Variants in ARID2 observed in about 807,000 individuals in gnomAD.
The protein encoded by ARID2 is AT-rich interaction domain 2, also known as AT-rich interactive domain-containing protein 2.
In ARID2, 32 loss-of-function variants were observed where a neutral mutation model predicts 184.6. The observed-to-expected ratio is 0.17, with a 90% confidence interval of 0.13 to 0.23. ARID2 has a LOEUF of 0.23. Ranked by LOEUF, ARID2 falls within the 10% of genes least tolerant of loss-of-function variation. The pLI, the probability that ARID2 is intolerant of heterozygous loss-of-function variation, is 1.00. For missense variants in ARID2, 1,696 were observed against 2,197.6 expected (o/e 0.77, Z 4.56); for synonymous variants, 836 against 772.6 (o/e 1.08, Z -1.36).
chr12:45,862,210 A>T (rs1305967306), intron 16 of ARID2, among the ~76,000 whole-genome samples: 2 of 152,304 alleles, frequency 1.3e-5, no homozygotes, highest in Admixed American at 1.3e-4. Flanking sequence ...TAAATATATC[A>T]TAGTTCACCA....
At chr12:45,839,800 G>A (rs1045418435) in intron 11 of ARID2, 1 of 228,816 alleles carries the variant, frequency 4.4e-6, no homozygotes, top group African/African-American at 2.3e-5. Context: ...TATTATTTGT[G>A]ATTTTGGTCA....
At chr12:45,853,544 A>C (rs1943594343) in intron 15 of ARID2, among the ~76,000 whole-genome samples, 1 of 152,230 alleles carries the variant, frequency 6.6e-6, no homozygotes, top group Non-Finnish European at 1.5e-5. Flanking sequence ...TAGTAAAAAC[A>C]AGTATTTTCT....
At chr12:45,772,380 A>G (rs920570600) in intron 3 of ARID2, among the ~76,000 whole-genome samples, 2 of 152,148 alleles carry the variant, frequency 1.3e-5, no homozygotes, top group Admixed American at 6.5e-5. Context: ...GCTTGAGCCC[A>G]GTAGTTAAGA....
chr12:45,801,515 C>G (rs1942501770), intron 3 of ARID2, among the ~76,000 whole-genome samples: 1 of 152,026 alleles, frequency 6.6e-6, no homozygotes, highest in African/African-American at 2.4e-5. Flanking sequence ...CCAACCTTAA[C>G]AACAAAGTAA....
rs1943486311 is a variant in ARID2 at position 45,848,672 on chromosome 12, T to C, written c.1581-164T>C. ...AGCATGTTAATCTATTGATTTAATC[T>C]AAAATTTAGCATATATTTTTGCTAC... On this transcript the variant is annotated intron_variant, in intron 12 of 20. Transcript: ENST00000334344. Among the ~76,000 whole-genome samples the C allele has an allele frequency of 2.0e-5, 3 of 152,176 alleles. No individual in the cohort carries two copies. In the South Asian group the frequency reaches 6.2e-4, roughly 31 times the overall value.
At chr12:45,825,993 C>T (rs923146287) in intron 6 of ARID2, among the ~76,000 whole-genome samples, 1 of 151,986 alleles carries the variant, frequency 6.6e-6, no homozygotes, top group African/African-American at 2.4e-5. Flanking sequence ...CGTATATTCC[C>T]ACTAGGGCAT....
intron 3 of ARID2, among the ~76,000 whole-genome samples, chr12:45,760,379 A>G (rs1354365818): frequency 1.3e-5 from 2 of 152,162 alleles, no homozygotes; most frequent in East Asian, 3.8e-4. Context: ...CATTTTTCAA[A>G]TTTTGAGGTT....
chr12:45,877,385 T>C (rs141927189), intron 16 of ARID2, among the ~76,000 whole-genome samples: 2,373 of 151,986 alleles, frequency 0.016, 30 homozygotes, highest in South Asian at 0.049. Context: ...CTAGGTTGCA[T>C]GCTCCTTATG....
intron 3 of ARID2, among the ~76,000 whole-genome samples, chr12:45,782,194 A>C (rs1411879985): frequency 6.6e-6 from 1 of 152,196 alleles, no homozygotes; most frequent in Non-Finnish European, 1.5e-5. Flanking sequence ...TAAAAATAGA[A>C]TATTCACTAG....
chr12:45,900,609 T>G (rs1253652635), intron 20 of ARID2, among the ~76,000 whole-genome samples: 1 of 152,184 alleles, frequency 6.6e-6, no homozygotes, highest in Non-Finnish European at 1.5e-5. Flanking sequence ...ACACACCTCT[T>G]CTCAGGAATT....
At position 45,847,041 on chromosome 12, in the gene ARID2, C is replaced by T. The variant is rs1943456488; in HGVS notation, c.1580+104C>T. Reference sequence around the variant, plus strand: ...ATCCAGAATGTTTTGTTCTGTATTCCTTTTTAGTTAGAGTAGAATATCATT... The same window carrying T: ...ATCCAGAATGTTTTGTTCTGTATTCTTTTTTAGTTAGAGTAGAATATCATT... On this transcript the variant is annotated intron_variant, in intron 12 of 20. Coordinates refer to ENST00000334344, the MANE Select transcript of ARID2 (RefSeq NM_152641.4). 4.1e-6 allele frequency: 4 copies of T among 976,764 alleles called. No homozygotes were observed. In the Admixed American group the frequency reaches 9.6e-5, roughly 23 times the overall value. 60.5% of individuals were successfully genotyped at this position (976,764 alleles called of 1,614,324 possible). A position where few individuals can be genotyped will look rare whatever the true frequency, so the allele number is the denominator to read the frequency against.
At chr12:45,806,493 T>C (rs1322330874) in intron 3 of ARID2, among the ~76,000 whole-genome samples, 4 of 152,184 alleles carry the variant, frequency 2.6e-5, no homozygotes, top group African/African-American at 9.6e-5. Context: ...AAATTTTTTC[T>C]GTGTTTGAGC....
chr12:45,822,327 C>T (rs766360762), intron 6 of ARID2, among the ~76,000 whole-genome samples: 5 of 152,050 alleles, frequency 3.3e-5, no homozygotes, highest in Non-Finnish European at 7.4e-5. Flanking sequence ...CAAAGCAAGA[C>T]CCCATCCCTA....
intron 15 of ARID2, among the ~76,000 whole-genome samples, chr12:45,855,322 C>T (rs1943627153): frequency 6.6e-6 from 1 of 152,202 alleles, no homozygotes; most frequent in African/African-American, 2.4e-5. Flanking sequence ...TTCTTACATT[C>T]TCACAAAGGA....
At position 45,735,418 on chromosome 12, in the gene ARID2, C is replaced by CGTGTGTGTGTGT. The variant is rs56133410; in HGVS notation, c.284+4135_284+4146dup. Among the ~76,000 whole-genome samples the CGTGTGTGTGTGT allele has an allele frequency of 1.3e-3, 186 of 141,392 alleles. 1 individual carries two copies. The highest frequency in any genetic ancestry group is 3.7e-3 in the African/African-American group (139 of 37,762). 92.8% of individuals were successfully genotyped at this position (141,392 alleles called of 152,430 possible). On this transcript the variant is annotated intron_variant, in intron 3 of 20. Transcript: ENST00000334344. ...TCAAATTTAACTTTATAAACTGTAT[C>CGTGTGTGTGTGT]GTGTGTGTGTGTGTGTGTGTGTGTG...
chr12:45,854,768 T>A (rs1943614678), intron 15 of ARID2, among the ~76,000 whole-genome samples: 2 of 152,248 alleles, frequency 1.3e-5, no homozygotes, highest in South Asian at 4.1e-4. Context: ...TAGTCAGTAA[T>A]ATCACAATTA....
rs577335820 is a variant in ARID2, at chr12:45,879,051, T to C, written c.4923-12729T>C. Among the ~76,000 whole-genome samples the C allele has an allele frequency of 2.6e-5, 4 of 152,280 alleles. No homozygotes were observed. In the East Asian group the frequency reaches 7.7e-4, roughly 29 times the overall value. Reference sequence around the variant, plus strand: ...TATCTTGTAGCTCTCTCAGTTCTAATACACTGTTATACTATACTGGAAACC... The same window carrying C: ...TATCTTGTAGCTCTCTCAGTTCTAACACACTGTTATACTATACTGGAAACC... On this transcript the variant is annotated intron_variant, in intron 16 of 20. Coordinates refer to ENST00000334344, the MANE Select transcript of ARID2 (RefSeq NM_152641.4).
At chr12:45,792,052 A>G (rs1392625627) in intron 3 of ARID2, among the ~76,000 whole-genome samples, 2 of 152,050 alleles carry the variant, frequency 1.3e-5, no homozygotes, top group Non-Finnish European at 2.9e-5. Flanking sequence ...GATTCTCTAT[A>G]TTATATTAAT....
chr12:45,789,072 G>A (rs1942246204), intron 3 of ARID2: 1 of 152,136 alleles, frequency 6.6e-6, no homozygotes, highest in African/African-American at 2.4e-5. Context: ...CCTTTTATAA[G>A]GGTCAAAATA....
Sources: allele counts gnomAD v4.1 joint callset (sites outside exome capture counted in the v4.1 genomes callset), GRCh38; gene constraint gnomAD v4.1.1; transcripts MANE v1.5; gene names NCBI Gene and HGNC (gene_info 2026-07-23, HGNC 2026-07-21).